Variants in TSNARE1 observed in about 807,000 individuals in gnomAD.
The protein encoded by TSNARE1 is t-SNARE domain-containing protein 1.
In TSNARE1, 49 loss-of-function variants were observed where a neutral mutation model predicts 62.0. That is an observed-to-expected ratio of 0.79 (90% CI 0.63 to 1.00). TSNARE1 has a LOEUF of 1.00. TSNARE1 is among the 50% of genes least tolerant of loss of function. The probability of loss-of-function intolerance (pLI) is 0.00; values close to 1 mark genes in which losing one functional copy is unlikely to be tolerated. For missense variants in TSNARE1, 755 were observed against 700.1 expected (o/e 1.08, Z -0.88); for synonymous variants, 328 against 294.4 (o/e 1.11, Z -1.17).
intron 12 of TSNARE1, chr8:142,270,245 G>T: frequency 1.0e-6 from 1 of 985,366 alleles, no homozygotes; most frequent in Middle Eastern, 5.2e-4. Flanking sequence ...GTCAAAGGAG[G>T]TAATGGAGGA....
At chr8:142,348,254 G>A (rs549631200) in intron 2 of TSNARE1, among the ~76,000 whole-genome samples, 20 of 152,220 alleles carry the variant, frequency 1.3e-4, no homozygotes, top group Admixed American at 5.2e-4. Flanking sequence ...GAACGTGCGC[G>A]GGTCACTAGA....
In TSNARE1 at chr8:142,328,820, G is replaced by C. The variant is rs896664959; in HGVS notation, c.893+2081C>G. 1.6e-3 allele frequency among the ~76,000 whole-genome samples: 168 copies of C among 103,846 alleles called. 4 individuals are homozygous for C. In the East Asian group the frequency reaches 0.037, roughly 23 times the overall value. The allele number at this position is 103,846 out of a possible 152,430, so 68.1% of individuals were successfully genotyped here. On this transcript the variant is annotated intron_variant, in intron 6 of 13. Coordinates refer to ENST00000524325, the MANE Select transcript of TSNARE1 (RefSeq NM_145003.5). Reference sequence around the variant, plus strand: ...GGGGTCTGTGACAGGGAGGCCTTTGGGGGGGGGGAGGGTTCCGCACACAGG... The same window carrying C: ...GGGGTCTGTGACAGGGAGGCCTTTGCGGGGGGGGAGGGTTCCGCACACAGG...
intron 12 of TSNARE1, chr8:142,273,899 C>T (rs1485645305): frequency 1.9e-5 from 19 of 985,196 alleles, no homozygotes; most frequent in Non-Finnish European, 2.0e-5. Context: ...TCTCTCGTCA[C>T]ACCTGCCTGT....
intron 1 of TSNARE1, among the ~76,000 whole-genome samples, chr8:142,397,315 C>G (rs973254920): frequency 3.9e-5 from 6 of 152,168 alleles, no homozygotes; most frequent in Non-Finnish European, 4.4e-5. Context: ...TTCCACAGCC[C>G]CTCTGTGCAC....
At chr8:142,374,522 C>CA (rs1006401446) in intron 1 of TSNARE1, among the ~76,000 whole-genome samples, 3 of 149,850 alleles carry the variant, frequency 2.0e-5, no homozygotes, top group Non-Finnish European at 4.5e-5. Flanking sequence ...ACTAAAAATA[C>CA]AAAAAAATTA....
chr8:142,254,665 G>A (rs1734731580), intron 12 of TSNARE1, among the ~76,000 whole-genome samples: 1 of 152,116 alleles, frequency 6.6e-6, no homozygotes, highest in Non-Finnish European at 1.5e-5. Context: ...ATATGGGGAA[G>A]GCGGGGCATC....
intron 7 of TSNARE1, among the ~76,000 whole-genome samples, chr8:142,315,465 A>G (rs1828387499): frequency 6.6e-6 from 1 of 152,236 alleles, no homozygotes; most frequent in African/African-American, 2.4e-5. Context: ...GGCCACTGCC[A>G]GAACCATCCC....
chr8:142,326,443 G>A (rs1329359614), intron 6 of TSNARE1, among the ~76,000 whole-genome samples: 1 of 110,886 alleles, frequency 9.0e-6, no homozygotes, highest in Non-Finnish European at 1.8e-5. Context: ...GACGGATGAC[G>A]AACCAGCACC....
At chr8:142,252,063 C>T (rs1321546066) in intron 12 of TSNARE1, among the ~76,000 whole-genome samples, 2 of 150,584 alleles carry the variant, frequency 1.3e-5, no homozygotes, top group Non-Finnish European at 3.0e-5. Flanking sequence ...ATCTGCAGGG[C>T]CCGGGCACCA....
At chr8:142,330,128 C>T (rs866106015) in intron 6 of TSNARE1, among the ~76,000 whole-genome samples, 4 of 152,352 alleles carry the variant, frequency 2.6e-5, no homozygotes, top group East Asian at 1.9e-4. Context: ...CTTGGAGCTG[C>T]GGGCATCCCG....
intron 1 of TSNARE1, among the ~76,000 whole-genome samples, chr8:142,355,203 C>T (rs570720741): frequency 6.3e-4 from 96 of 152,332 alleles, no homozygotes; most frequent in South Asian, 3.9e-3. Context: ...TGCAGCCTGC[C>T]GGCATCTCTA....
rs755648047 is a variant in TSNARE1 at position 142,331,010 on chromosome 8, C to T, written c.824-40G>A. On this transcript the variant is annotated intron_variant, in intron 5 of 13. Transcript: ENST00000524325. ...AGGGACAGGGTGAGGGCAGAAGGAG[C>T]TTCCCTGCCCCCTGCTACTCCATAT... 5.4e-5 allele frequency: 85 copies of T among 1,585,782 alleles called. 1 individual carries two copies. In the East Asian group the frequency reaches 1.8e-3, roughly 33 times the overall value.
chr8:142,236,406 C>T (rs1018722565), intron 12 of TSNARE1, among the ~76,000 whole-genome samples: 5 of 151,946 alleles, frequency 3.3e-5, no homozygotes, highest in Non-Finnish European at 5.9e-5. Context: ...CCCGAGGTGG[C>T]GTGACCGTCC....
chr8:142,251,521 G>C (rs1818162587), intron 12 of TSNARE1, among the ~76,000 whole-genome samples: 1 of 152,130 alleles, frequency 6.6e-6, no homozygotes, highest in African/African-American at 2.4e-5. Context: ...GGTGCGGCAG[G>C]CTCCTGTCCG....
At chr8:142,310,381 C>T (rs185128075) in intron 9 of TSNARE1, among the ~76,000 whole-genome samples, 1 of 151,626 alleles carries the variant, frequency 6.6e-6, no homozygotes, top group Admixed American at 6.6e-5. Flanking sequence ...ATCTGAAGCC[C>T]GCCAGTCCTC....
At chr8:142,392,716 C>A (rs1277075928) in intron 1 of TSNARE1, among the ~76,000 whole-genome samples, 1 of 152,136 alleles carries the variant, frequency 6.6e-6, no homozygotes, top group Non-Finnish European at 1.5e-5. Context: ...GGGCGGATCA[C>A]CTGAGGTCGG....
At position 142,291,247 on chromosome 8, in the gene TSNARE1, AG is replaced by A. The variant is rs1307923464; in HGVS notation, c.1291-6763del. ...AAGGCCAAGCAAAAGTCGGCTCTCC[AG>A]CATCGCGGTGAGGATGGCCTTGTGC... On this transcript the variant is annotated intron_variant, in intron 10 of 13. Coordinates refer to ENST00000524325, the MANE Select transcript of TSNARE1 (RefSeq NM_145003.5). This position sits in a 1 kb window ranked among gnomAD's most constrained non-coding sequence, Gnocchi z 4.8. Among the ~76,000 whole-genome samples the A allele has an allele frequency of 2.0e-5, 3 of 151,768 alleles. No individual in the cohort carries two copies. The highest frequency in any genetic ancestry group is 7.3e-5 in the African/African-American group (3 of 41,316).
chr8:142,380,005 C>G (rs1040039677), intron 1 of TSNARE1, among the ~76,000 whole-genome samples: 22 of 152,210 alleles, frequency 1.4e-4, no homozygotes, highest in African/African-American at 5.1e-4. Context: ...AGGGAGAGGG[C>G]AGGAGAACAT....
At chr8:142,287,870 C>T (rs974798994) in intron 10 of TSNARE1, among the ~76,000 whole-genome samples, 6 of 151,606 alleles carry the variant, frequency 4.0e-5, no homozygotes, top group African/African-American at 1.5e-4. Flanking sequence ...TCGTGGAACC[C>T]AGGACCTCGG....
Sources: gnomAD v4.1 joint callset for allele counts (sites outside exome capture counted in the v4.1 genomes callset) on GRCh38, gnomAD v4.1.1 for gene constraint, Gnocchi (gnomAD v3.1) non-coding constraint, MANE v1.5 for transcripts, NCBI Gene and HGNC (gene_info 2026-07-23, HGNC 2026-07-21) for gene names.